Variants in DCP1B observed in about 807,000 individuals in gnomAD.
The protein encoded by DCP1B is decapping mRNA 1B, also known as mRNA-decapping enzyme 1B.
Under a neutral mutation model 60.5 loss-of-function variants are expected in DCP1B, and 47 were observed. That is an observed-to-expected ratio of 0.78 (90% CI 0.61 to 0.99). The LOEUF (loss-of-function observed/expected upper bound fraction) is 0.99. Ranked by LOEUF, DCP1B falls within the 50% of genes least tolerant of loss-of-function variation. The probability of loss-of-function intolerance (pLI) is 0.00; values close to 1 mark genes in which losing one functional copy is unlikely to be tolerated. For missense variants in DCP1B, 725 were observed against 756.8 expected (o/e 0.96, Z 0.49); for synonymous variants, 267 against 280.3 (o/e 0.95, Z 0.47).
intron 3 of DCP1B, among the ~76,000 whole-genome samples, chr12:1,968,520 C>T (rs1049496047): frequency 1.2e-4 from 19 of 152,108 alleles, no homozygotes; most frequent in African/African-American, 4.3e-4. Flanking sequence ...TGAATACAGA[C>T]GGAAAATGAA....
Position 1,965,646 on chromosome 12 carries a change from C to T in DCP1B, c.434G>A (p.Gly145Glu). The stretch of plus-strand genomic sequence containing the variant: ...TGAATTGAGGATCACTGGGGAAATT[C>T]CTGCTCCAGTTCCCTGATGGGCTTT... Reference protein sequence around the residue: ...QLKAHQGTGAGISPVILNSGE... With the variant: ...QLKAHQGTGAEISPVILNSGE... The change falls in exon 5 of 9, where the codon GGA becomes GAA. Residue 145 changes from glycine to glutamate, a missense_variant. Transcript: ENST00000280665. 1.2e-6 allele frequency: 2 copies of T among 1,613,966 alleles called. No individual in the cohort carries two copies. Among genetic ancestry groups the T allele is most frequent in the Non-Finnish European group, 1.7e-6 (2 of 1,179,914 alleles).
At chr12:1,988,571 T>C (rs2038465542) in intron 3 of DCP1B, among the ~76,000 whole-genome samples, 1 of 152,252 alleles carries the variant, frequency 6.6e-6, no homozygotes, top group South Asian at 2.1e-4. Context: ...TTCCTATTTC[T>C]TGTTTATTCT....
downstream of DCP1B, among the ~76,000 whole-genome samples, chr12:1,943,558 G>A (rs1169681648): frequency 1.3e-5 from 2 of 152,070 alleles, no homozygotes; most frequent in Non-Finnish European, 2.9e-5. Flanking sequence ...CTGGCAAACC[G>A]AATCCAGCAG....
chr12:2,001,689 G>A (rs751797345), intron 1 of DCP1B, among the ~76,000 whole-genome samples: 1 of 152,128 alleles, frequency 6.6e-6, no homozygotes, highest in Non-Finnish European at 1.5e-5. Context: ...ATTATCCAGA[G>A]GTTTTAGTTT....
chr12:1,990,414 C>T (rs2039060138), intron 3 of DCP1B, among the ~76,000 whole-genome samples: 1 of 152,138 alleles, frequency 6.6e-6, no homozygotes, highest in African/African-American at 2.4e-5. Flanking sequence ...ATAAAGTAAT[C>T]TATTTTGTGT....
At chr12:1,964,253 T>C (rs1462092110) in intron 5 of DCP1B, among the ~76,000 whole-genome samples, 1 of 152,102 alleles carries the variant, frequency 6.6e-6, no homozygotes, top group East Asian at 1.9e-4. Flanking sequence ...AGTTTCCAAA[T>C]TCTATAATTT....
chr12:1,948,948 G>T lies in DCP1B; in HGVS notation c.1773+138C>A. On this transcript the variant is annotated intron_variant, in intron 8 of 8. Coordinates refer to ENST00000280665, the MANE Select transcript of DCP1B (RefSeq NM_152640.5). This position sits in a 1 kb window ranked among gnomAD's most constrained non-coding sequence, Gnocchi z 4.8. Reference sequence around the variant, plus strand: ...AGCTAACTGAGCACAGAAGCCGCTGGGGTCAGGATGAGTTGTTACACACAC... The same window carrying T: ...AGCTAACTGAGCACAGAAGCCGCTGTGGTCAGGATGAGTTGTTACACACAC... 2 of 1,125,150 alleles carry T rather than the reference G, an allele frequency of 1.8e-6. No homozygotes were observed. Among genetic ancestry groups the T allele is most frequent in the South Asian group, 1.6e-5 (1 of 62,978 alleles). The allele number at this position is 1,125,150 out of a possible 1,614,324, so 69.7% of individuals were successfully genotyped here.
chr12:1,993,040 G>GTTTA (rs2039849451), intron 3 of DCP1B: 2 of 681,832 alleles, frequency 2.9e-6, no homozygotes, highest in Non-Finnish European at 5.1e-6. Context: ...AAAAGACAGG[G>GTTTA]TTTAGGTTTA....
intron 3 of DCP1B, among the ~76,000 whole-genome samples, chr12:1,968,224 C>T (rs1309280330): frequency 1.3e-5 from 2 of 151,750 alleles, no homozygotes; most frequent in Non-Finnish European, 2.9e-5. Flanking sequence ...TGGTGGCGGG[C>T]GTCCATAATC....
intron 2 of DCP1B, among the ~76,000 whole-genome samples, chr12:1,994,406 C>T (rs2040295155): frequency 6.6e-6 from 1 of 152,190 alleles, no homozygotes; most frequent in Non-Finnish European, 1.5e-5. Flanking sequence ...GCTACATAAC[C>T]ACTACCAGGA....
Position 1,952,558 on chromosome 12 carries a change from T to C in DCP1B, c.1382A>G (p.Gln461Arg), listed in dbSNP as rs1745218471. 1 of 1,614,106 alleles carries C rather than the reference T, an allele frequency of 6.2e-7. No homozygotes were observed. Among genetic ancestry groups the C allele is most frequent in the African/African-American group, 1.3e-5 (1 of 74,938 alleles). Residue 461 changes from glutamine (Q) to arginine (R), a missense_variant, in exon 7 of 9, where the codon CAG (glutamine) becomes CGG (arginine). By Grantham distance (43) the Gln-to-Arg change is conservative (BLOSUM62 1). Transcript: ENST00000280665. ...GTTAGAGGCATGCAGCTGCTGCTCC[T>C]GCTGTACAATCTGAAGCTTCTTCAG... ...ELLKKLQIVQ[Q>R]EQQLHASNRP...
At chr12:1,985,182 T>A (rs1051333888) in intron 3 of DCP1B, among the ~76,000 whole-genome samples, 2 of 152,170 alleles carry the variant, frequency 1.3e-5, no homozygotes, top group Admixed American at 6.5e-5. Flanking sequence ...TGGGAAAGGT[T>A]TTGGACATTA....
Position 1,953,198 on chromosome 12 carries a change from G to A in DCP1B, c.742C>T (p.Gln248Ter). The change falls in exon 7 of 9, where the codon CAG becomes TAG. Residue 248 changes from glutamine (Q) to a stop codon, truncating the protein, a stop_gained. Coordinates refer to ENST00000280665, the MANE Select transcript of DCP1B (RefSeq NM_152640.5). LOFTEE classifies it high-confidence loss of function. The stretch of plus-strand genomic sequence containing the variant: ...TGCTGCTGCTGCTGGTGGAGAGTCT[G>A]CGGAGGCTCCACAGTTTCCTGACAT... ...ATCQETVEPP[Q>*]TLHQQQQQQQ... The A allele has an allele frequency of 6.2e-7, 1 of 1,610,270 alleles. No individual in the cohort carries two copies. The highest frequency in any genetic ancestry group is 8.5e-7 in the Non-Finnish European group (1 of 1,179,998).
At position 1,946,136 on chromosome 12, in the gene DCP1B, C is replaced by G; in HGVS notation, c.*70G>C. 2 of 1,224,196 alleles carry G rather than the reference C, an allele frequency of 1.6e-6. No homozygotes were observed. The highest frequency in any genetic ancestry group is 3.4e-5 in the South Asian group (2 of 58,312). 75.8% of individuals were successfully genotyped at this position (1,224,196 alleles called of 1,614,324 possible). On this transcript the variant is annotated 3_prime_UTR_variant, in exon 9 of 9. Transcript: ENST00000280665. ...GGCAGAAACATTGAAGGAAACAACA[C>G]TCAACATGAAAGAACCTTGTGCCGG...
At position 2,003,628 on chromosome 12, in the gene DCP1B, C is replaced by A. The variant is rs139995190; in HGVS notation, c.150+654G>T. On this transcript the variant is annotated intron_variant, in intron 1 of 8. Coordinates refer to ENST00000280665, the MANE Select transcript of DCP1B (RefSeq NM_152640.5). The stretch of plus-strand genomic sequence containing the variant: ...TACTGGGACTCTGCTTTGAGAAGAG[C>A]ACTAAAATAATTTGGCTCCCAAATG... Among the ~76,000 whole-genome samples the A allele has an allele frequency of 7.7e-4, 118 of 152,284 alleles. 1 individual carries two copies. The highest frequency in any genetic ancestry group is 2.7e-3 in the African/African-American group (111 of 41,566).
At chr12:1,943,047 T>C (rs1422981012), downstream of DCP1B, among the ~76,000 whole-genome samples, 1 of 151,970 alleles carries the variant, frequency 6.6e-6, no homozygotes, top group African/African-American at 2.4e-5. Flanking sequence ...GATAGACTGC[T>C]AGCCAGAATA....
chr12:1,992,409 T>C (rs1205271311), intron 3 of DCP1B: 1 of 153,138 alleles, frequency 6.5e-6, no homozygotes, highest in South Asian at 2.0e-4. Flanking sequence ...GGCAAATTCA[T>C]GTATCTTGAG....
chr12:1,949,713 G>A (rs192605712), intron 7 of DCP1B, among the ~76,000 whole-genome samples: 42 of 152,310 alleles, frequency 2.8e-4, no homozygotes, highest in African/African-American at 7.0e-4. Flanking sequence ...CTTGTTAGGG[G>A]CCTCCCCATT....
Position 1,958,687 on chromosome 12 carries a change from C to T in DCP1B, c.523-3127G>A, listed in dbSNP as rs1192822323. The stretch of plus-strand genomic sequence containing the variant: ...GCAATGACTTTTTCCATAAACCTCC[C>T]GGAAGGAGACAGGGGAAAAGCTCCC... On this transcript the variant is annotated intron_variant, in intron 5 of 8. Coordinates refer to ENST00000280665, the MANE Select transcript of DCP1B (RefSeq NM_152640.5). 9.7e-3 allele frequency among the ~76,000 whole-genome samples: 849 copies of T among 87,886 alleles called. 3 individuals carry two copies. Among genetic ancestry groups the T allele is most frequent in the Non-Finnish European group, 0.013 (548 of 43,756 alleles). The allele number at this position is 87,886 out of a possible 152,430, so 57.7% of individuals were successfully genotyped here. A position where few individuals can be genotyped will look rare whatever the true frequency, so the allele number is the denominator to read the frequency against.
Sources: allele counts gnomAD v4.1 joint callset (sites outside exome capture counted in the v4.1 genomes callset), GRCh38; gene constraint gnomAD v4.1.1; non-coding constraint Gnocchi (gnomAD v3.1); transcripts MANE v1.5; gene names NCBI Gene and HGNC (gene_info 2026-07-23, HGNC 2026-07-21).